Variants in NIN observed in about 807,000 individuals in gnomAD.
NIN encodes glycogen synthase kinase 3 beta-interacting protein.
A neutral mutation model predicts 257.6 loss-of-function variants in NIN; 137 were observed. The ratio of observed to expected loss-of-function variants is 0.53; its 90% CI spans 0.46 to 0.61. The LOEUF (loss-of-function observed/expected upper bound fraction) is 0.61, where lower values mean the gene tolerates loss of function less well. NIN is among the 20% of genes least tolerant of loss of function. The pLI is 0.00. For missense variants in NIN, 2,439 were observed against 2,501.2 expected (o/e 0.98, Z 0.53); for synonymous variants, 918 against 919.8 (o/e 1.00, Z 0.04).
intron 27 of NIN, among the ~76,000 whole-genome samples, chr14:50,737,569 C>T (rs1220389131): frequency 7.1e-6 from 1 of 140,410 alleles, no homozygotes; most frequent in East Asian, 2.2e-4. Flanking sequence ...ATTTTGCCAA[C>T]TTATAAGGGC....
intron 28 of NIN, 24 bp downstream of exon 28, chr14:50,735,492 A>G (rs1267383810): frequency 1.2e-6 from 2 of 1,610,976 alleles, no homozygotes; most frequent in Non-Finnish European, 1.7e-6. Flanking sequence ...CTTCATAGCT[A>G]AGGCCATCTG....
At chr14:50,735,322 A>T (rs2040921813) in intron 28 of NIN, among the ~76,000 whole-genome samples, 194 bp downstream of exon 28, 1 of 152,226 alleles carries the variant, frequency 6.6e-6, no homozygotes, top group Non-Finnish European at 1.5e-5. Flanking sequence ...GAAAAGCAGT[A>T]TGGCTTCCTA....
chr14:50,777,034 A>C lies in NIN; in HGVS notation c.581T>G (p.Leu194Trp). 1 of 1,614,224 alleles carries C rather than the reference A, an allele frequency of 6.2e-7. No homozygotes were observed. Among genetic ancestry groups the C allele is most frequent in the Non-Finnish European group, 8.5e-7 (1 of 1,180,028 alleles). Residue 194 changes from leucine to tryptophan, a missense_variant, in exon 7 of 31, where the codon TTG (leucine) becomes TGG (tryptophan). Coordinates refer to ENST00000530997, the MANE Select transcript of NIN (RefSeq NM_020921.4). ...CAGGTGACCATCACGGGTGATCCCC[A>C]AATCTTCACAAACTTCTTGCAGTTT... The part of the protein sequence containing the change: ...EEKLQEVCED[L>W]GITRDGHLNR...
rs754469434 is a variant in NIN at position 50,723,606 on chromosome 14, T to C, written c.6259A>G (p.Lys2087Glu). The C allele has an allele frequency of 2.5e-6, 4 of 1,613,938 alleles. No homozygotes were observed. The Admixed American group carries it at 6.7e-5, about 27-fold the overall frequency. ...CGCTGTTCAGTCACTTCCAGAGCTTTCAACAACTGGGCATTTTCAACATAC... is the reference window on the plus strand; with the variant it reads ...CGCTGTTCAGTCACTTCCAGAGCTTCCAACAACTGGGCATTTTCAACATAC... ...DLYVENAQLL[K>E]ALEVTEQRQK... Residue 2087 changes from lysine (K) to glutamate (E), a missense_variant, in exon 31 of 31, where the codon AAA becomes GAA. Around this residue, in one of 3 missense-constraint regions of NIN, gnomAD observed 2,043 missense variants for 2,050.2 expected, o/e 1.00. Coordinates refer to ENST00000530997, the MANE Select transcript of NIN (RefSeq NM_020921.4).
At chr14:50,831,493 G>T (rs1330791371), upstream of NIN, among the ~76,000 whole-genome samples, 1 of 152,150 alleles carries the variant, frequency 6.6e-6, no homozygotes, top group Non-Finnish European at 1.5e-5. Context: ...GCGTCTTCGC[G>T]CAGAGGAAGG....
chr14:50,747,965 A>G, intron 22 of NIN, 27 bp downstream of exon 22: 1 of 1,462,028 alleles, frequency 6.8e-7, no homozygotes, highest in South Asian at 1.1e-5. Context: ...TGTTCTGTGA[A>G]CCCCCCTTAG....
intron 22 of NIN, among the ~76,000 whole-genome samples, chr14:50,746,052 A>G (rs78955159): frequency 4.8e-5 from 7 of 146,652 alleles, no homozygotes; most frequent in South Asian, 2.2e-4. Flanking sequence ...AAAAAAAAAA[A>G]GCAATAAAAA....
At chr14:50,759,814 G>C (rs771731704) in intron 17 of NIN, 43 bp downstream of exon 17, 1 of 1,561,102 alleles carries the variant, frequency 6.4e-7, no homozygotes. Flanking sequence ...AATGCCCCGA[G>C]GGATGGTGCC....
At chr14:50,724,465 C>T (rs2040339158) in intron 30 of NIN, among the ~76,000 whole-genome samples, 2 of 152,162 alleles carry the variant, frequency 1.3e-5, no homozygotes, top group Admixed American at 6.5e-5. Flanking sequence ...AAGCTCAGAA[C>T]CTAGATGACT....
In NIN at chr14:50,766,244, C is replaced by T. The variant is rs1306664985; in HGVS notation, c.1635+63G>A. On this transcript the variant is annotated intron_variant, in intron 14 of 30. Coordinates refer to ENST00000530997, the MANE Select transcript of NIN (RefSeq NM_020921.4). ...TGCTTAGGGTCACAGAGCTAGGGAA[C>T]GGGGAAGCTGGGGTCTGAACCCAGG... 14 of 1,248,072 alleles carry T rather than the reference C, an allele frequency of 1.1e-5. No individual in the cohort carries two copies. The East Asian group carries it at 1.6e-4, about 14-fold the overall frequency. 77.3% of individuals were successfully genotyped at this position (1,248,072 alleles called of 1,614,324 possible). A position where few individuals can be genotyped will look rare whatever the true frequency, so the allele number is the denominator to read the frequency against.
chr14:50,754,966 C>A, intron 18 of NIN, 99 bp from the exon 19 acceptor site: 1 of 752,018 alleles, frequency 1.3e-6, no homozygotes, highest in Non-Finnish European at 2.1e-6. Flanking sequence ...TATTCAATGC[C>A]AGTTAAAAAG....
At chr14:50,812,404 C>T (rs72683641) in intron 3 of NIN, among the ~76,000 whole-genome samples, 20,822 of 152,150 alleles carry the variant, frequency 0.14, 1,681 homozygotes, top group East Asian at 0.34. Flanking sequence ...TGCTGGAAGT[C>T]AAATCCTCAA....
chr14:50,760,749 T>C (rs2042245432), intron 16 of NIN, among the ~76,000 whole-genome samples: 1 of 152,164 alleles, frequency 6.6e-6, no homozygotes, highest in Non-Finnish European at 1.5e-5. Flanking sequence ...TATGGCTCAC[T>C]GAAATCTCCA....
chr14:50,743,702 C>CTGTT (rs1302602297), intron 23 of NIN, among the ~76,000 whole-genome samples, 173 bp from the exon 24 acceptor site: 1 of 152,156 alleles, frequency 6.6e-6, no homozygotes. Flanking sequence ...AAACCAAAGA[C>CTGTT]TGTTTTACAC....
rs1983764 is a variant in NIN, at chr14:50,725,941, G to A, written c.6192+12C>T. 0.35 allele frequency: 560,192 copies of A among 1,613,432 alleles called. 101,532 individuals carry two copies. Among genetic ancestry groups the A allele is most frequent in the South Asian group, 0.38 (34,636 of 91,036 alleles). On this transcript the variant is annotated intron_variant, in intron 30 of 30. Transcript: ENST00000530997. ...GTGAGGTGGGTGAACAGAGATGACC[G>A]GGTAGGCTCACTTGTTCTTTGAGCT...
chr14:50,776,038 T>G (rs949296958), intron 7 of NIN, among the ~76,000 whole-genome samples: 1 of 152,142 alleles, frequency 6.6e-6, no homozygotes, highest in East Asian at 1.9e-4. Flanking sequence ...TAAACAAATA[T>G]TTCTATTATC....
intron 24 of NIN, chr14:50,742,205 G>GAC (rs2041317404): frequency 6.5e-6 from 1 of 152,970 alleles, no homozygotes; most frequent in African/African-American, 2.4e-5. Context: ...CTTGAGCCCA[G>GAC]GAGTTTCAAA....
At position 50,758,285 on chromosome 14, in the gene NIN, T is replaced by G; in HGVS notation, c.2745A>C (p.Leu915=). The G allele has an allele frequency of 1.9e-6, 3 of 1,614,230 alleles. No homozygotes were observed. The African/African-American group carries it at 4.0e-5, about 22-fold the overall frequency. ...TTCTTAGGTCTTCCAGGTCTTGGAGTAGCTGCTGTCTCTCGACGACCATGC... is the reference window on the plus strand; with the variant it reads ...TTCTTAGGTCTTCCAGGTCTTGGAGGAGCTGCTGTCTCTCGACGACCATGC... ...LNSMVVERQQ[L]LQDLEDLRNV... is the part of the protein sequence containing the mutation. Residue 915 remains leucine (L), a synonymous_variant, in exon 18 of 31, where the codon CTA becomes CTC. Coordinates refer to ENST00000530997, the MANE Select transcript of NIN (RefSeq NM_020921.4).
At chr14:50,769,826 C>T (rs1474943011) in intron 12 of NIN, among the ~76,000 whole-genome samples, 1 of 151,610 alleles carries the variant, frequency 6.6e-6, no homozygotes, top group Non-Finnish European at 1.5e-5. Flanking sequence ...GCCTATAGTC[C>T]CAGCTACTTG....
Sources: gnomAD v4.1 joint callset for allele counts (sites outside exome capture counted in the v4.1 genomes callset) on GRCh38, gnomAD v4.1.1 for gene constraint, gnomAD v4.1.1 regional missense constraint, MANE v1.5 for transcripts, NCBI Gene and HGNC (gene_info 2026-07-23, HGNC 2026-07-21) for gene names.